The following MAP3K5 variants were observed in gnomAD, a reference collection of about 807,000 sequenced individuals.
MAP3K5 encodes mitogen-activated protein kinase kinase kinase 5, also known as ASK-1.
MAP3K5 carries 56 observed loss-of-function variants against 158.7 expected under a neutral mutation model. That is an observed-to-expected ratio of 0.35 (90% CI 0.28 to 0.44). The LOEUF (loss-of-function observed/expected upper bound fraction) is 0.44, where lower values mean the gene tolerates loss of function less well. Ranked by LOEUF, MAP3K5 falls within the 20% of genes least tolerant of loss-of-function variation. MAP3K5 has a pLI of 1.00. For synonymous variants in MAP3K5, 579 were observed against 601.7 expected, an observed-to-expected ratio of 0.96 and a Z score of 0.55; for missense variants, 1,294 against 1,674.8, an observed-to-expected ratio of 0.77 and a Z score of 3.97.
rs12529435 is a variant in MAP3K5 at position 136,624,395 on chromosome 6, G to T, written c.2017-1414C>A. ...AATAGATTTTAACAGAACTCTTTTA[G>T]AAAGGAATATATCTGGCACACAGAT... On this transcript the variant is annotated intron_variant, in intron 14 of 29. Transcript: ENST00000359015. Among the ~76,000 whole-genome samples the T allele has an allele frequency of 0.014, 2,064 of 152,208 alleles. 120 individuals are homozygous for T. In the East Asian group the frequency reaches 0.15, roughly 11 times the overall value.
At chr6:136,567,237 C>T (rs778511593) in intron 26 of MAP3K5, among the ~76,000 whole-genome samples, 12 of 152,186 alleles carry the variant, frequency 7.9e-5, no homozygotes, top group Non-Finnish European at 1.5e-4. Context: ...TTTGTTCCCT[C>T]GACCTCAGTG....
chr6:136,587,612 T>A (rs1268278015), intron 23 of MAP3K5, among the ~76,000 whole-genome samples: 1 of 152,176 alleles, frequency 6.6e-6, no homozygotes. Context: ...GCTGTCAACC[T>A]GGGTCAGGAC....
At chr6:136,579,057 T>A (rs995061609) in intron 25 of MAP3K5, among the ~76,000 whole-genome samples, 4 of 152,048 alleles carry the variant, frequency 2.6e-5, no homozygotes, top group Middle Eastern at 3.4e-3. Context: ...ATTGATCTTA[T>A]CCTTTTAAAT....
intron 1 of MAP3K5, among the ~76,000 whole-genome samples, chr6:136,725,636 T>C (rs560910470): frequency 1.3e-5 from 2 of 152,346 alleles, no homozygotes; most frequent in African/African-American, 4.8e-5. Context: ...GCAGATACTG[T>C]CAGATAATGA....
rs1160995920 is a variant in MAP3K5, at chr6:136,609,589, T to C, written c.2521+1693A>G. Among the ~76,000 whole-genome samples the C allele has an allele frequency of 6.6e-6, 1 of 151,862 alleles. No homozygotes were observed. The highest frequency in any genetic ancestry group is 1.5e-5 in the Non-Finnish European group (1 of 67,984). On this transcript the variant is annotated intron_variant, in intron 18 of 29. Coordinates refer to ENST00000359015, the MANE Select transcript of MAP3K5 (RefSeq NM_005923.4). The surrounding 1 kb of genome is among the most constrained non-coding windows in gnomAD (Gnocchi z 4.4). ...AGGTGGATCACTTGAGGTCAGGAGT[T>C]TGAGACCAGCCTGGGCAACATGGTG...
intron 14 of MAP3K5, among the ~76,000 whole-genome samples, chr6:136,635,725 C>CA (rs140167177): frequency 0.03 from 2,001 of 67,822 alleles, 80 homozygotes; most frequent in African/African-American, 0.07. Context: ...CCGTCTCCAC[C>CA]AAAAAAAAAA....
chr6:136,761,235 C>A (rs1783738848), intron 1 of MAP3K5, among the ~76,000 whole-genome samples: 1 of 147,540 alleles, frequency 6.8e-6, no homozygotes, highest in Admixed American at 6.8e-5. Context: ...TGTAGAGCAC[C>A]TATTACATGT....
intron 9 of MAP3K5, 84 bp from the exon 10 acceptor site, chr6:136,656,544 T>C: frequency 1.2e-6 from 1 of 806,274 alleles, no homozygotes; most frequent in Non-Finnish European, 2.0e-6. Context: ...TCTGTAAATG[T>C]AATTTATACA....
chr6:136,689,133 C>T (rs1780278892), intron 7 of MAP3K5, among the ~76,000 whole-genome samples: 1 of 152,076 alleles, frequency 6.6e-6, no homozygotes. Flanking sequence ...GACCGCATCT[C>T]TGCAAAAAAT....
At chr6:136,769,561 C>G (rs1030927610) in intron 1 of MAP3K5, among the ~76,000 whole-genome samples, 2 of 150,900 alleles carry the variant, frequency 1.3e-5, no homozygotes, top group Admixed American at 1.3e-4. Flanking sequence ...GAGAAGTATA[C>G]AGAAGTGGGT....
rs142811483 is a variant in MAP3K5 at position 136,743,791 on chromosome 6, T to A, written c.449-23202A>T. Among the ~76,000 whole-genome samples the A allele has an allele frequency of 4.0e-3, 610 of 152,338 alleles. 10 individuals are homozygous for A. Among genetic ancestry groups the A allele is most frequent in the African/African-American group, 0.014 (567 of 41,576 alleles). On this transcript the variant is annotated intron_variant, in intron 1 of 29. Transcript: ENST00000359015. ...CTAAAACTTGGAAGCAACCAAGATGTCTTTCAGGATGTAAGTGGATAAATA... is the reference window on the plus strand; with the variant it reads ...CTAAAACTTGGAAGCAACCAAGATGACTTTCAGGATGTAAGTGGATAAATA...
chr6:136,645,520 G>A (rs1778210633), intron 11 of MAP3K5, among the ~76,000 whole-genome samples: 1 of 152,110 alleles, frequency 6.6e-6, no homozygotes, highest in Non-Finnish European at 1.5e-5. Context: ...CCAAAAGGGG[G>A]GGAAATTCTA....
At chr6:136,566,519 G>A (rs760729059) in intron 26 of MAP3K5, among the ~76,000 whole-genome samples, 1 of 152,182 alleles carries the variant, frequency 6.6e-6, no homozygotes, top group Non-Finnish European at 1.5e-5. Context: ...ACTCTTGCTT[G>A]AGAAGAGGAG....
chr6:136,655,910 T>C (rs770656901), intron 10 of MAP3K5, among the ~76,000 whole-genome samples: 3 of 152,150 alleles, frequency 2.0e-5, no homozygotes, highest in Non-Finnish European at 4.4e-5. Context: ...GGGATAACAA[T>C]GCAGGTAAGC....
chr6:136,753,835 ACAAGGAGAACAG>A (rs776188494), intron 1 of MAP3K5, among the ~76,000 whole-genome samples: 1 of 152,246 alleles, frequency 6.6e-6, no homozygotes, highest in Non-Finnish European at 1.5e-5. Context: ...GTGCTTCAGC[ACAAGGAGAACAG>A]CAGCGTCAGG....
rs1322579297 is a variant in MAP3K5 at position 136,557,046 on chromosome 6, G to C, written c.*712C>G. On this transcript the variant is annotated 3_prime_UTR_variant, in exon 30 of 30. Coordinates refer to ENST00000359015, the MANE Select transcript of MAP3K5 (RefSeq NM_005923.4). ...AAATTCTTTAGAATTTATCAAAACA[G>C]TATGTTGAGAGTCTCTTTAATTTTT... 1.3e-5 allele frequency: 2 copies of C among 152,098 alleles called. No homozygotes were observed. The highest frequency in any genetic ancestry group is 2.9e-5 in the Non-Finnish European group (2 of 68,032). The allele number at this position is 152,098 out of a possible 1,614,324, so 9.4% of individuals were successfully genotyped here.
rs557903576 is a variant in MAP3K5 at position 136,627,465 on chromosome 6, G to A, written c.2017-4484C>T. ...GATGAAATCCAAACTCCTTAGCACA[G>A]CATAAATGCCTGCTATGGTCTGAAT... On this transcript the variant is annotated intron_variant, in intron 14 of 29. Coordinates refer to ENST00000359015, the MANE Select transcript of MAP3K5 (RefSeq NM_005923.4). Among the ~76,000 whole-genome samples, 96 of 152,304 alleles carry A rather than the reference G, an allele frequency of 6.3e-4. 1 individual carries two copies. Among genetic ancestry groups the A allele is most frequent in the African/African-American group, 2.3e-3 (96 of 41,562 alleles).
At chr6:136,572,547 A>G (rs1429166907) in intron 25 of MAP3K5, among the ~76,000 whole-genome samples, 1 of 152,232 alleles carries the variant, frequency 6.6e-6, no homozygotes, top group Non-Finnish European at 1.5e-5. Context: ...GTGAGCCACC[A>G]TGCCCAGCCC....
chr6:136,697,941 C>T (rs1051050864), intron 4 of MAP3K5, among the ~76,000 whole-genome samples: 2 of 152,102 alleles, frequency 1.3e-5, no homozygotes, highest in South Asian at 2.1e-4. Context: ...GACAGGGTTT[C>T]GGCATGTTGG....
Sources: gnomAD v4.1 joint callset for allele counts (sites outside exome capture counted in the v4.1 genomes callset) on GRCh38, gnomAD v4.1.1 for gene constraint, Gnocchi (gnomAD v3.1) non-coding constraint, MANE v1.5 for transcripts, NCBI Gene and HGNC (gene_info 2026-07-23, HGNC 2026-07-21) for gene names.